The following OPCML variants were observed in gnomAD, a reference collection of about 807,000 sequenced individuals.
OPCML encodes opioid-binding protein/cell adhesion molecule.
In OPCML, 13 loss-of-function variants were observed where a neutral mutation model predicts 37.8. The ratio of observed to expected loss-of-function variants is 0.34; its 90% confidence interval spans 0.22 to 0.55. The LOEUF (loss-of-function observed/expected upper bound fraction) is 0.55, where lower values mean the gene tolerates loss of function less well. OPCML is among the 20% of genes least tolerant of loss of function. The probability of loss-of-function intolerance (pLI) is 0.91; values close to 1 mark genes in which losing one functional copy is unlikely to be tolerated. For missense variants in OPCML, 341 were observed against 435.6 expected, an observed-to-expected ratio of 0.78 and a Z score of 1.93; for synonymous variants, 176 against 168.8, an observed-to-expected ratio of 1.04 and a Z score of -0.33.
intron 2 of OPCML, among the ~76,000 whole-genome samples, chr11:132,786,445 A>C (rs1947214697): frequency 6.6e-6 from 1 of 152,216 alleles, no homozygotes; most frequent in South Asian, 2.1e-4. Flanking sequence ...AAGTGATTTC[A>C]CTATCACTTC....
chr11:132,498,032 G>A (rs983206906), intron 4 of OPCML, among the ~76,000 whole-genome samples: 4 of 152,006 alleles, frequency 2.6e-5, no homozygotes, highest in South Asian at 2.1e-4. Context: ...TAGACAACAC[G>A]ATAAATTATT....
chr11:133,513,270 C>T (rs1349108014), intron 1 of OPCML, among the ~76,000 whole-genome samples: 1 of 152,158 alleles, frequency 6.6e-6, no homozygotes, highest in East Asian at 1.9e-4. Flanking sequence ...CAGCCCCATT[C>T]GTAATTTTTC....
intron 1 of OPCML, among the ~76,000 whole-genome samples, chr11:132,996,681 A>G (rs1427912592): frequency 2.0e-5 from 3 of 151,044 alleles, no homozygotes; most frequent in Non-Finnish European, 2.9e-5. Context: ...CCCCGGAGCC[A>G]CAAAACAAGA....
intron 3 of OPCML, among the ~76,000 whole-genome samples, chr11:132,617,605 A>G (rs576919793): frequency 2.1e-4 from 32 of 152,326 alleles, no homozygotes; most frequent in Middle Eastern, 3.4e-3. Flanking sequence ...AGAACAAAAT[A>G]CCACAGGCTG....
chr11:132,666,220 G>A (rs1025422052), intron 2 of OPCML, among the ~76,000 whole-genome samples: 2 of 152,148 alleles, frequency 1.3e-5, no homozygotes, highest in Admixed American at 1.3e-4. Flanking sequence ...GAGGAGGCAT[G>A]GCGCCACCAT....
At chr11:132,433,231 C>T (rs113425348) in intron 7 of OPCML, among the ~76,000 whole-genome samples, 2,378 of 152,182 alleles carry the variant, frequency 0.016, 51 homozygotes, top group African/African-American at 0.053. Flanking sequence ...TAAGTGTTGG[C>T]GGGTACCAGT....
chr11:132,899,809 G>A (rs921650992), intron 2 of OPCML, among the ~76,000 whole-genome samples: 3 of 152,112 alleles, frequency 2.0e-5, no homozygotes, highest in African/African-American at 4.8e-5. Flanking sequence ...ACAAAAAAGA[G>A]GCAAGGCAAA....
At chr11:133,319,493 C>T (rs75206600) in intron 1 of OPCML, among the ~76,000 whole-genome samples, 25,723 of 152,148 alleles carry the variant, frequency 0.17, 2,356 homozygotes, top group South Asian at 0.29. Flanking sequence ...TTAGTGGCAA[C>T]GCTTCTGTGA....
intron 2 of OPCML, among the ~76,000 whole-genome samples, chr11:132,920,574 C>G (rs1329833468): frequency 1.3e-5 from 2 of 152,172 alleles, no homozygotes; most frequent in African/African-American, 4.8e-5. Flanking sequence ...AGCCAGGGTG[C>G]ACACATGGCC....
In OPCML at chr11:132,969,155, C is replaced by G. The variant is rs557794607; in HGVS notation, c.62-26145G>C. On this transcript the variant is annotated intron_variant, in intron 1 of 7. Transcript: ENST00000524381. ...AAAGTCCATTGTGTCATTCTTATGCCATTGCATTACCTTCATTTTTTAACG... is the reference window on the plus strand; with the variant it reads ...AAAGTCCATTGTGTCATTCTTATGCGATTGCATTACCTTCATTTTTTAACG... 2.3e-3 allele frequency among the ~76,000 whole-genome samples: 342 copies of G among 151,442 alleles called. 1 individual carries two copies. Among genetic ancestry groups the G allele is most frequent in the Non-Finnish European group, 3.6e-3 (247 of 67,868 alleles).
chr11:133,143,185 T>C (rs1296363891), intron 1 of OPCML, among the ~76,000 whole-genome samples: 1 of 152,140 alleles, frequency 6.6e-6, no homozygotes, highest in Non-Finnish European at 1.5e-5. Flanking sequence ...CAGTGACATA[T>C]GAGCAATAGC....
At chr11:132,725,085 C>T (rs1944827831) in intron 2 of OPCML, among the ~76,000 whole-genome samples, 1 of 152,222 alleles carries the variant, frequency 6.6e-6, no homozygotes, top group African/African-American at 2.4e-5. Flanking sequence ...GTCCATGAGG[C>T]AGTGCCCCAG....
At chr11:133,350,080 A>G (rs912972372) in intron 1 of OPCML, among the ~76,000 whole-genome samples, 8 of 152,200 alleles carry the variant, frequency 5.3e-5, no homozygotes, top group African/African-American at 1.7e-4. Flanking sequence ...AGAAAAGCCA[A>G]CCTGCTGTTT....
In OPCML at chr11:132,769,333, G is replaced by A. The variant is rs997971751; in HGVS notation, c.147-112014C>T. Among the ~76,000 whole-genome samples the A allele has an allele frequency of 4.6e-5, 7 of 151,296 alleles. No individual in the cohort carries two copies. The South Asian group carries it at 6.2e-4, about 13-fold the overall frequency. On this transcript the variant is annotated intron_variant, in intron 2 of 7. Transcript: ENST00000524381. ...GCTCACTCCAAGTTCCACCTTCCAG[G>A]TTCACGCCATTCTCCTGCCTCATAT...
At chr11:132,998,680 G>C (rs1393789167) in intron 1 of OPCML, among the ~76,000 whole-genome samples, 1 of 152,172 alleles carries the variant, frequency 6.6e-6, no homozygotes, top group African/African-American at 2.4e-5. Flanking sequence ...GGTGAAGGTG[G>C]GGGCTCTTGG....
intron 1 of OPCML, among the ~76,000 whole-genome samples, chr11:133,345,969 C>T (rs569306807): frequency 3.3e-4 from 51 of 152,276 alleles, no homozygotes; most frequent in African/African-American, 1.2e-3. Flanking sequence ...GCTCTGGTCG[C>T]TAATACACCA....
chr11:132,965,643 C>T (rs1294410875), intron 1 of OPCML, among the ~76,000 whole-genome samples: 1 of 152,152 alleles, frequency 6.6e-6, no homozygotes, highest in Non-Finnish European at 1.5e-5. Flanking sequence ...AGCGATTCTC[C>T]TGCCTCAGCC....
At chr11:132,484,304 AAC>A (rs1301403812) in intron 4 of OPCML, among the ~76,000 whole-genome samples, 1 of 152,222 alleles carries the variant, frequency 6.6e-6, no homozygotes, top group Non-Finnish European at 1.5e-5. Flanking sequence ...GCAGCCAAAA[AAC>A]ACATGAAAAA....
intron 3 of OPCML, among the ~76,000 whole-genome samples, chr11:132,537,658 C>T (rs115229667): frequency 1.3e-5 from 2 of 152,064 alleles, no homozygotes; most frequent in African/African-American, 2.4e-5. Flanking sequence ...CAAAATAAGA[C>T]AAAGTATTTG....
Sources: allele counts gnomAD v4.1 joint callset (sites outside exome capture counted in the v4.1 genomes callset), GRCh38; gene constraint gnomAD v4.1.1; transcripts MANE v1.5; gene names NCBI Gene and HGNC (gene_info 2026-07-23, HGNC 2026-07-21).